Variants in INPP4B observed in about 807,000 individuals in gnomAD.
INPP4B encodes the protein inositol polyphosphate-4-phosphatase type II B.
A neutral mutation model predicts 122.5 loss-of-function variants in INPP4B; 55 were observed. The ratio of observed to expected loss-of-function variants is 0.45; its 90% CI spans 0.36 to 0.56. The LOEUF (loss-of-function observed/expected upper bound fraction) is 0.56. Ranked by LOEUF, INPP4B falls within the 20% of genes least tolerant of loss-of-function variation. The probability of loss-of-function intolerance (pLI) is 0.00; values close to 1 mark genes in which losing one functional copy is unlikely to be tolerated. For missense variants in INPP4B, 1,000 were observed against 1,097.7 expected, an observed-to-expected ratio of 0.91 and a Z score of 1.26; for synonymous variants, 403 against 388.7, an observed-to-expected ratio of 1.04 and a Z score of -0.43.
intron 2 of INPP4B, among the ~76,000 whole-genome samples, chr4:142,586,765 G>T (rs958615205): frequency 2.0e-5 from 3 of 152,110 alleles, no homozygotes; most frequent in Non-Finnish European, 2.9e-5. Flanking sequence ...AGGAAGGAGA[G>T]AATTAATGAA....
At chr4:142,149,967 T>C (rs1428806971) in intron 17 of INPP4B, among the ~76,000 whole-genome samples, 1 of 152,200 alleles carries the variant, frequency 6.6e-6, no homozygotes, top group Non-Finnish European at 1.5e-5. Context: ...ATTTTGAAAC[T>C]ACGATGCTAG....
rs146492732 is a variant in INPP4B, at chr4:142,193,307, T to A, written c.1073-112A>T. ...AAGTATGAGAAATTATTCTGTTTAA[T>A]TTTTTAGGAATAACTATGAACTCAC... is the stretch of plus-strand genomic sequence containing the variant. On this transcript the variant is annotated intron_variant, in intron 14 of 25. Coordinates refer to ENST00000262992, the MANE Select transcript of INPP4B (RefSeq NM_001101669.3). The A allele has an allele frequency of 3.9e-5, 25 of 647,008 alleles. No individual in the cohort carries two copies. In the African/African-American group the frequency reaches 4.3e-4, roughly 11 times the overall value. The allele number at this position is 647,008 out of a possible 1,614,324, so 40.1% of individuals were successfully genotyped here.
intron 7 of INPP4B, among the ~76,000 whole-genome samples, chr4:142,372,478 C>T (rs957606382): frequency 1.3e-5 from 2 of 152,004 alleles, no homozygotes; most frequent in African/African-American, 4.8e-5. Context: ...ATTACACATT[C>T]TATGCCTGTA....
chr4:142,451,330 A>C (rs1814170120), intron 3 of INPP4B, among the ~76,000 whole-genome samples: 1 of 142,900 alleles, frequency 7.0e-6, no homozygotes, highest in Admixed American at 7.6e-5. Flanking sequence ...GACTCACTGC[A>C]ATCTCTGCCT....
intron 1 of INPP4B, among the ~76,000 whole-genome samples, chr4:142,765,245 G>C (rs1367864592): frequency 6.6e-6 from 1 of 152,124 alleles, no homozygotes; most frequent in Admixed American, 6.6e-5. Flanking sequence ...AAAAGATTAA[G>C]CATGGATCCA....
At chr4:142,602,915 G>T (rs569006607) in intron 2 of INPP4B, among the ~76,000 whole-genome samples, 11 of 152,272 alleles carry the variant, frequency 7.2e-5, no homozygotes, top group African/African-American at 2.6e-4. Flanking sequence ...GCATGAATAT[G>T]TTCCTTGCAG....
intron 25 of INPP4B, chr4:142,030,393 A>G (rs1578660578): frequency 1.8e-6 from 2 of 1,092,872 alleles, no homozygotes; most frequent in East Asian, 2.6e-5. Context: ...CTGAAATACA[A>G]TGCATTATCT....
At chr4:142,173,205 T>A (rs750151817) in intron 16 of INPP4B, among the ~76,000 whole-genome samples, 1 of 151,954 alleles carries the variant, frequency 6.6e-6, no homozygotes, top group Non-Finnish European at 1.5e-5. Flanking sequence ...CACAGACTGA[T>A]GTAAATCCAC....
chr4:142,484,295 A>C (rs1043366966), intron 2 of INPP4B, among the ~76,000 whole-genome samples: 2 of 152,148 alleles, frequency 1.3e-5, no homozygotes, highest in Admixed American at 1.3e-4. Context: ...TAAAATTATT[A>C]GTATTTTTTA....
chr4:142,148,555 T>G (rs1159387506), intron 17 of INPP4B, among the ~76,000 whole-genome samples: 1 of 151,970 alleles, frequency 6.6e-6, no homozygotes, highest in Non-Finnish European at 1.5e-5. Context: ...GCGTTGCATG[T>G]TGCTTTTCTT....
At chr4:142,636,015 A>G (rs148804396) in intron 2 of INPP4B, among the ~76,000 whole-genome samples, 1,752 of 152,276 alleles carry the variant, frequency 0.012, 31 homozygotes, top group African/African-American at 0.032. Context: ...TGTCAAGGGC[A>G]GGATCCTGTT....
At chr4:142,295,822 A>T (rs72722463) in intron 9 of INPP4B, among the ~76,000 whole-genome samples, 12,109 of 151,984 alleles carry the variant, frequency 0.08, 650 homozygotes, top group Middle Eastern at 0.16. Context: ...ATGTATTAAT[A>T]ACCAAAGGGA....
chr4:142,198,851 C>A (rs1032211718), intron 14 of INPP4B, among the ~76,000 whole-genome samples: 1 of 152,032 alleles, frequency 6.6e-6, no homozygotes, highest in Non-Finnish European at 1.5e-5. Context: ...CCAGTTCTCA[C>A]ACTCTCCTAA....
chr4:142,256,781 G>A (rs1326283890), intron 11 of INPP4B, among the ~76,000 whole-genome samples: 1 of 152,182 alleles, frequency 6.6e-6, no homozygotes, highest in South Asian at 2.1e-4. Context: ...GATGTACAAG[G>A]AGGAACTGGT....
At chr4:142,768,313 T>A (rs1027918074) in intron 1 of INPP4B, among the ~76,000 whole-genome samples, 2 of 152,164 alleles carry the variant, frequency 1.3e-5, no homozygotes, top group Non-Finnish European at 2.9e-5. Context: ...CTCTTCACAG[T>A]GTACTACAGG....
intron 17 of INPP4B, among the ~76,000 whole-genome samples, chr4:142,153,578 A>T (rs1815546922): frequency 6.6e-6 from 1 of 152,212 alleles, no homozygotes; most frequent in African/African-American, 2.4e-5. Flanking sequence ...GATGGTATCC[A>T]ATACAGAACT....
intron 2 of INPP4B, among the ~76,000 whole-genome samples, chr4:142,512,860 T>C (rs1222448951): frequency 1.3e-5 from 2 of 152,206 alleles, no homozygotes; most frequent in African/African-American, 4.8e-5. Flanking sequence ...CATTATACTG[T>C]AGTAAAAGCA....
intron 2 of INPP4B, among the ~76,000 whole-genome samples, chr4:142,659,736 T>C (rs1317772245): frequency 6.6e-6 from 1 of 152,148 alleles, no homozygotes; most frequent in Non-Finnish European, 1.5e-5. Flanking sequence ...CCAAGCACCA[T>C]GCACCCAAAT....
intron 2 of INPP4B, among the ~76,000 whole-genome samples, chr4:142,580,131 A>C (rs1734755612): frequency 6.6e-6 from 1 of 151,292 alleles, no homozygotes; most frequent in African/African-American, 2.4e-5. Flanking sequence ...TGACACATAG[A>C]GGAATTACCC....
Sources: gnomAD v4.1 joint callset for allele counts (sites outside exome capture counted in the v4.1 genomes callset) on GRCh38, gnomAD v4.1.1 for gene constraint, MANE v1.5 for transcripts, NCBI Gene and HGNC (gene_info 2026-07-23, HGNC 2026-07-21) for gene names.